The following CCDC171 variants were observed in gnomAD, a reference collection of about 807,000 sequenced individuals.
CCDC171 encodes the protein coiled-coil domain containing 171.
Under a neutral mutation model 168.2 loss-of-function variants are expected in CCDC171, and 177 were observed. The ratio of observed to expected loss-of-function variants is 1.05; its 90% CI spans 0.93 to 1.19. The LOEUF (loss-of-function observed/expected upper bound fraction) is 1.19, where lower values mean the gene tolerates loss of function less well. CCDC171 is among the 50% of genes most tolerant of loss of function. The pLI is 0.00. For synonymous variants in CCDC171, 687 were observed against 540.8 expected, an observed-to-expected ratio of 1.27 and a Z score of -3.75; for missense variants, 1,991 against 1,539.0, an observed-to-expected ratio of 1.29 and a Z score of -4.91.
intron 3 of CCDC171, among the ~76,000 whole-genome samples, chr9:16,002,311 A>G (rs1437151595): frequency 2.0e-5 from 3 of 152,030 alleles, no homozygotes; most frequent in African/African-American, 7.2e-5. Context: ...AGACCCTCCT[A>G]TGAAAGTGGA....
chr9:15,626,399 A>G (rs923466805), intron 7 of CCDC171, among the ~76,000 whole-genome samples: 1 of 152,198 alleles, frequency 6.6e-6, no homozygotes, highest in African/African-American at 2.4e-5. Context: ...GCCAGTTTTC[A>G]AAGGGAATGC....
At chr9:16,077,864 C>T in the CCDC171 span, among the ~76,000 whole-genome samples, 1 of 152,134 alleles carries the variant, frequency 6.6e-6, no homozygotes, top group African/African-American at 2.4e-5. Flanking sequence ...AGAAGTGGAG[C>T]TGGTTTCAGT....
chr9:15,794,944 A>G (rs2058475395), intron 21 of CCDC171, among the ~76,000 whole-genome samples: 1 of 152,226 alleles, frequency 6.6e-6, no homozygotes, highest in Non-Finnish European at 1.5e-5. Flanking sequence ...TACTGTCATC[A>G]CTTTCTTGAA....
At chr9:15,780,571 C>T (rs899910291) in intron 20 of CCDC171, among the ~76,000 whole-genome samples, 1 of 152,052 alleles carries the variant, frequency 6.6e-6, no homozygotes. Context: ...TCATTTTAAT[C>T]TTACCACCCA....
chr9:15,767,382 C>G (rs542039465), intron 18 of CCDC171, among the ~76,000 whole-genome samples: 159 of 152,328 alleles, frequency 1.0e-3, no homozygotes, highest in African/African-American at 3.7e-3. Flanking sequence ...AAATCTCTCT[C>G]TGACTCTGAC....
At chr9:15,965,751 T>G (rs921379078) in intron 25 of CCDC171, among the ~76,000 whole-genome samples, 10 of 152,184 alleles carry the variant, frequency 6.6e-5, no homozygotes, top group African/African-American at 2.4e-4. Context: ...AACAGCCCTA[T>G]GAGGGATTAG....
At chr9:16,078,198 T>A in the CCDC171 span, among the ~76,000 whole-genome samples, 13 of 152,068 alleles carry the variant, frequency 8.5e-5, no homozygotes, top group Non-Finnish European at 7.4e-5. Context: ...ACGTACACTT[T>A]TTGTCAGTTC....
chr9:15,822,679 G>C (rs192379426), intron 21 of CCDC171, among the ~76,000 whole-genome samples: 84 of 152,270 alleles, frequency 5.5e-4, no homozygotes, highest in African/African-American at 1.9e-3. Context: ...AAAAAGTCAG[G>C]AAACAGCAGG....
intron 21 of CCDC171, among the ~76,000 whole-genome samples, chr9:15,804,193 T>C (rs1468966799): frequency 6.6e-6 from 1 of 152,156 alleles, no homozygotes; most frequent in African/African-American, 2.4e-5. Flanking sequence ...TAGTTTGACT[T>C]CCTCTCTTTC....
chr9:15,833,236 C>G (rs532848222), intron 21 of CCDC171, among the ~76,000 whole-genome samples: 1 of 152,180 alleles, frequency 6.6e-6, no homozygotes, highest in East Asian at 1.9e-4. Flanking sequence ...TGGTGATCTG[C>G]CCACCTCGGC....
rs2038478376 is a variant in CCDC171 at position 15,553,192 on chromosome 9, A to G, written c.-222A>G. 1 of 152,972 alleles carries G rather than the reference A, an allele frequency of 6.5e-6. No homozygotes were observed. Among genetic ancestry groups the G allele is most frequent in the African/African-American group, 2.4e-5 (1 of 41,352 alleles). 9.5% of individuals were successfully genotyped at this position (152,972 alleles called of 1,614,324 possible). ...GGGTCCTGGAGTCCGTCGTGTTCCA[A>G]CAGTTTTTGCTCTTATTCCCGTGGG... On this transcript the variant is annotated 5_prime_UTR_variant, in exon 1 of 26. Transcript: ENST00000380701.
intron 10 of CCDC171, among the ~76,000 whole-genome samples, chr9:15,688,276 T>A (rs1478653921): frequency 6.6e-6 from 1 of 152,126 alleles, no homozygotes; most frequent in Non-Finnish European, 1.5e-5. Flanking sequence ...GGTTCACTGG[T>A]AAATTTATTT....
rs368291392 is a variant in CCDC171, at chr9:15,721,780, G to C, written c.1330G>C (p.Asp444His). Residue 444 changes from aspartate to histidine, a missense_variant, in exon 12 of 26, where the codon GAC (aspartate) becomes CAC (histidine). Coordinates refer to ENST00000380701, the MANE Select transcript of CCDC171 (RefSeq NM_173550.4). ...ATATTTTTCTCTAGGCATCCACAAGGACAAAGATAAACCTCCCAGCTTCTC... is the reference window on the plus strand; with the variant it reads ...ATATTTTTCTCTAGGCATCCACAAGCACAAAGATAAACCTCCCAGCTTCTC... ...SGQWTSGIHK[D>H]KDKPPSFSVV... The C allele has an allele frequency of 5.2e-6, 8 of 1,551,474 alleles. No individual in the cohort carries two copies. The East Asian group carries it at 9.8e-5, about 19-fold the overall frequency.
chr9:15,629,262 C>T (rs999991549), intron 7 of CCDC171, among the ~76,000 whole-genome samples: 1 of 151,960 alleles, frequency 6.6e-6, no homozygotes, highest in Non-Finnish European at 1.5e-5. Context: ...AAACCAAAGG[C>T]AAAGAAGTTG....
At chr9:15,727,203 G>T (rs557612212) in intron 14 of CCDC171, among the ~76,000 whole-genome samples, 1 of 152,180 alleles carries the variant, frequency 6.6e-6, no homozygotes, top group South Asian at 2.1e-4. Context: ...AATGCCCAGT[G>T]TGCCAAATAC....
intron 25 of CCDC171, among the ~76,000 whole-genome samples, chr9:15,953,162 T>G (rs1017037205): frequency 2.0e-5 from 3 of 152,084 alleles, no homozygotes; most frequent in African/African-American, 7.2e-5. Context: ...CCAATCTGAG[T>G]GCCTTTTCTT....
intron 24 of CCDC171, 33 bp from the exon 25 acceptor site, chr9:15,920,237 G>T: frequency 1.5e-6 from 2 of 1,377,946 alleles, no homozygotes; most frequent in East Asian, 2.4e-5. Flanking sequence ...ATATTTATTT[G>T]AATTATATGT....
At chr9:15,721,730 G>T in intron 11 of CCDC171, 39 bp from the exon 12 acceptor site, 1 of 1,193,524 alleles carries the variant, frequency 8.4e-7, no homozygotes. Flanking sequence ...GTCCCTTTGT[G>T]ACTTTAAGGG....
chr9:15,939,954 T>G (rs1163575936), intron 25 of CCDC171, among the ~76,000 whole-genome samples: 1 of 151,884 alleles, frequency 6.6e-6, no homozygotes, highest in Non-Finnish European at 1.5e-5. Flanking sequence ...TTTGTAAAAT[T>G]ATTTTATTTG....
Sources: allele counts gnomAD v4.1 joint callset (sites outside exome capture counted in the v4.1 genomes callset), GRCh38; gene constraint gnomAD v4.1.1; transcripts MANE v1.5; gene names NCBI Gene and HGNC (gene_info 2026-07-23, HGNC 2026-07-21).